The following CHN2 variants were observed in gnomAD, a reference collection of about 807,000 sequenced individuals.
CHN2 encodes the protein chimerin 2, also known as beta-chimaerin.
Under a neutral mutation model 56.3 loss-of-function variants are expected in CHN2, and 35 were observed. That is an observed-to-expected ratio of 0.62 (90% CI 0.47 to 0.82). The LOEUF (loss-of-function observed/expected upper bound fraction) is 0.82, where lower values mean the gene tolerates loss of function less well. Among genes scored for constraint, CHN2 ranks in the 40% least tolerant of loss-of-function variants. CHN2 has a pLI of 0.00. For missense variants in CHN2, 491 were observed against 580.5 expected, an observed-to-expected ratio of 0.85 and a Z score of 1.58; for synonymous variants, 210 against 212.8, an observed-to-expected ratio of 0.99 and a Z score of 0.12.
intron 2 of CHN2, among the ~76,000 whole-genome samples, chr7:29,356,729 A>C (rs1269302779): frequency 6.6e-6 from 1 of 152,170 alleles, no homozygotes; most frequent in African/African-American, 2.4e-5. Flanking sequence ...TGGGTCTCTA[A>C]GGGCCCTTCC....
At chr7:29,289,405 A>G (rs1792403660) in intron 1 of CHN2, among the ~76,000 whole-genome samples, 1 of 152,104 alleles carries the variant, frequency 6.6e-6, no homozygotes, top group African/African-American at 2.4e-5. Flanking sequence ...GGTTTAAGCA[A>G]GGCAACAGAT....
intron 6 of CHN2, among the ~76,000 whole-genome samples, chr7:29,410,824 T>C (rs1803137157): frequency 6.6e-6 from 1 of 152,202 alleles, no homozygotes; most frequent in Non-Finnish European, 1.5e-5. Context: ...TTTTGATTTA[T>C]AAATTTGAGA....
chr7:29,224,933 C>A (rs1232436269), intron 1 of CHN2, among the ~76,000 whole-genome samples: 1 of 152,160 alleles, frequency 6.6e-6, no homozygotes, highest in Non-Finnish European at 1.5e-5. Flanking sequence ...CACATATCAT[C>A]TCCGGAGAGA....
chr7:29,398,760 AAT>A (rs1801969092), intron 5 of CHN2, among the ~76,000 whole-genome samples: 3 of 76,516 alleles, frequency 3.9e-5, no homozygotes, highest in Admixed American at 1.7e-4. Context: ...ATGACTGGCT[AAT>A]TTTTTTTTTT....
chr7:29,379,354 T>G (rs112120485), intron 3 of CHN2, among the ~76,000 whole-genome samples: 5 of 152,330 alleles, frequency 3.3e-5, no homozygotes, highest in African/African-American at 1.2e-4. Context: ...GGTAGCAACA[T>G]CTGAACATGG....
intron 1 of CHN2, among the ~76,000 whole-genome samples, chr7:29,214,612 CTAAT>C (rs1391734208): frequency 6.6e-6 from 1 of 152,128 alleles, no homozygotes; most frequent in Non-Finnish European, 1.5e-5. Context: ...TGGCCAGAAA[CTAAT>C]TGATAGGGGC....
intron 10 of CHN2, 42 bp from the exon 11 acceptor site, chr7:29,507,186 A>G (rs767588732): frequency 2.6e-5 from 40 of 1,554,738 alleles, no homozygotes; most frequent in Non-Finnish European, 3.2e-5. Context: ...CCTTGGTGAA[A>G]TAAGGTCCTA....
intron 1 of CHN2, among the ~76,000 whole-genome samples, chr7:29,260,911 T>G (rs1206887431): frequency 1.3e-5 from 2 of 152,192 alleles, no homozygotes. Context: ...CATTTAGAAA[T>G]AATCCCCAAT....
At chr7:29,504,968 G>T in intron 10 of CHN2, 147 bp downstream of exon 10, 1 of 601,962 alleles carries the variant, frequency 1.7e-6, no homozygotes, top group Non-Finnish European at 2.9e-6. Context: ...CAAATCTCAT[G>T]TTTCTGCCTC....
At chr7:29,359,253 G>A (rs1798548438) in intron 2 of CHN2, among the ~76,000 whole-genome samples, 2 of 152,232 alleles carry the variant, frequency 1.3e-5, no homozygotes, top group African/African-American at 4.8e-5. Flanking sequence ...TGGAAAATTT[G>A]GAGTAATATT....
At chr7:29,490,695 T>G (rs1433903005) in intron 7 of CHN2, among the ~76,000 whole-genome samples, 1 of 152,224 alleles carries the variant, frequency 6.6e-6, no homozygotes, top group Non-Finnish European at 1.5e-5. Flanking sequence ...TGTGATTTGG[T>G]TTCTTGTCTT....
chr7:29,448,248 T>G, intron 6 of CHN2, among the ~76,000 whole-genome samples: 1 of 151,554 alleles, frequency 6.6e-6, no homozygotes, highest in Middle Eastern at 3.2e-3. Flanking sequence ...TCCTTATTTT[T>G]GAAACTTTCT....
intron 1 of CHN2, among the ~76,000 whole-genome samples, chr7:29,316,596 C>T (rs970781494): frequency 2.0e-5 from 3 of 152,184 alleles, no homozygotes; most frequent in Non-Finnish European, 4.4e-5. Context: ...TTGTTGTAAA[C>T]TAGCCTATGT....
Position 29,375,190 on chromosome 7 carries a change from C to CTTTTTTTTTTTTTTTTTTT in CHN2, c.144+7213_144+7231dup, listed in dbSNP as rs70980534. ...CAAGCATGAGCCACCGTGCTCGGCC[C>CTTTTTTTTTTTTTTTTTTT]TTTTTTTTTTTTTTTTTTTTTTTTT... On this transcript the variant is annotated intron_variant, in intron 3 of 12. Coordinates refer to ENST00000222792, the MANE Select transcript of CHN2 (RefSeq NM_004067.4). Among the ~76,000 whole-genome samples, 2 of 77,908 alleles carry CTTTTTTTTTTTTTTTTTTT rather than the reference C, an allele frequency of 2.6e-5. 1 individual carries two copies. The allele number at this position is 77,908 out of a possible 152,430, so 51.1% of individuals were successfully genotyped here. A position where few individuals can be genotyped will look rare whatever the true frequency, so the allele number is the denominator to read the frequency against.
chr7:29,351,405 C>T (rs1416244954), intron 1 of CHN2, among the ~76,000 whole-genome samples: 1 of 152,158 alleles, frequency 6.6e-6, no homozygotes, highest in Admixed American at 6.5e-5. Context: ...AAAATTCTTG[C>T]TTTTATGGAG....
At chr7:29,389,456 G>A (rs146120486) in intron 3 of CHN2, among the ~76,000 whole-genome samples, 7 of 152,178 alleles carry the variant, frequency 4.6e-5, no homozygotes, top group Admixed American at 6.5e-5. Flanking sequence ...TAAATTACAC[G>A]TCATACCTCT....
intron 1 of CHN2, among the ~76,000 whole-genome samples, chr7:29,326,472 A>G (rs1247831186): frequency 6.6e-6 from 1 of 152,166 alleles, no homozygotes; most frequent in Non-Finnish European, 1.5e-5. Context: ...TTGATTTTCT[A>G]AAGAGCTGCA....
chr7:29,214,890 T>C (rs1488946079), intron 1 of CHN2, among the ~76,000 whole-genome samples: 6 of 152,202 alleles, frequency 3.9e-5, no homozygotes, highest in Non-Finnish European at 8.8e-5. Flanking sequence ...CCAGCCACCA[T>C]GCTTGGCTTT....
At chr7:29,333,642 G>A (rs1025110667) in intron 1 of CHN2, among the ~76,000 whole-genome samples, 6 of 152,198 alleles carry the variant, frequency 3.9e-5, no homozygotes, top group South Asian at 4.1e-4. Flanking sequence ...CTAAATTCAG[G>A]AAATCATGGC....
Sources: allele counts gnomAD v4.1 joint callset (sites outside exome capture counted in the v4.1 genomes callset), GRCh38; gene constraint gnomAD v4.1.1; transcripts MANE v1.5; gene names NCBI Gene and HGNC (gene_info 2026-07-23, HGNC 2026-07-21).